Variants in RGS12 observed in about 807,000 individuals in gnomAD.
RGS12 encodes the protein regulator of G protein signaling 12.
A neutral mutation model predicts 120.1 loss-of-function variants in RGS12; 66 were observed. The observed-to-expected ratio is 0.55, with a 90% CI of 0.45 to 0.67. The LOEUF (loss-of-function observed/expected upper bound fraction) is 0.67, where lower values mean the gene tolerates loss of function less well. Among genes scored for constraint, RGS12 ranks in the 30% least tolerant of loss-of-function variants. RGS12 has a pLI of 0.00. For synonymous variants in RGS12, 827 were observed against 804.7 expected (o/e 1.03, Z -0.47); for missense variants, 1,859 against 1,957.7 (o/e 0.95, Z 0.95).
In RGS12 at chr4:3,316,288, G is replaced by A. The variant is rs1335649684; in HGVS notation, c.118G>A (p.Ala40Thr). 15 of 1,613,936 alleles carry A rather than the reference G, an allele frequency of 9.3e-6. No individual in the cohort carries two copies. Among genetic ancestry groups the A allele is most frequent in the Admixed American group, 3.3e-5 (2 of 60,014 alleles). ...CTACGGATTCACGCTTTCGGGACAG[G>A]CACCCTGTGTGCTCAGCTGCGTCAT... Reference protein sequence around the residue: ...AGYGFTLSGQAPCVLSCVMRG... With the variant: ...AGYGFTLSGQTPCVLSCVMRG... Residue 40 changes from alanine (A) to threonine (T), a missense_variant, in exon 2 of 18, where the codon GCA (alanine) becomes ACA (threonine). Transcript: ENST00000336727.
intron 2 of RGS12, among the ~76,000 whole-genome samples, chr4:3,329,445 C>T (rs577652780): frequency 6.6e-6 from 1 of 152,192 alleles, no homozygotes; most frequent in South Asian, 2.1e-4. Context: ...AGTAAATGTG[C>T]TCATGGGCCT....
At chr4:3,403,106 A>T (rs1226514698) in intron 4 of RGS12, among the ~76,000 whole-genome samples, 2 of 152,194 alleles carry the variant, frequency 1.3e-5, no homozygotes, top group Non-Finnish European at 2.9e-5. Context: ...GCATGGCCTC[A>T]TGGGCTCTGG....
At position 3,412,482 on chromosome 4, in the gene RGS12, T is replaced by A. The variant is rs552920905; in HGVS notation, c.2021-1590T>A. Among the ~76,000 whole-genome samples the A allele has an allele frequency of 6.6e-5, 10 of 152,358 alleles. No homozygotes were observed. The South Asian group carries it at 1.9e-3, about 28-fold the overall frequency. On this transcript the variant is annotated intron_variant, in intron 4 of 17. Coordinates refer to ENST00000336727, the MANE Select transcript of RGS12 (RefSeq NM_001394154.1). Reference sequence around the variant, plus strand: ...CCCTGGCCCCTTGCTGATAATAAGATGTGTTCTATTTGCTGGCCTGGAGCT... The same window carrying A: ...CCCTGGCCCCTTGCTGATAATAAGAAGTGTTCTATTTGCTGGCCTGGAGCT...
At chr4:3,305,413 G>A (rs1469389902) in intron 1 of RGS12, among the ~76,000 whole-genome samples, 1 of 152,048 alleles carries the variant, frequency 6.6e-6, no homozygotes, top group Non-Finnish European at 1.5e-5. Flanking sequence ...TACACTCCCC[G>A]CAAGGTCCTT....
At chr4:3,329,832 C>T (rs1354690632) in intron 2 of RGS12, among the ~76,000 whole-genome samples, 3 of 141,626 alleles carry the variant, frequency 2.1e-5, no homozygotes, top group South Asian at 4.2e-4. Flanking sequence ...CAGTCTATTA[C>T]GTTTAGTTGA....
At chr4:3,292,723 G>A (rs971550718), upstream of RGS12, among the ~76,000 whole-genome samples, 7 of 152,236 alleles carry the variant, frequency 4.6e-5, no homozygotes, top group African/African-American at 1.7e-4. Context: ...CCAGCACCAG[G>A]GCCGGGCCAG....
At chr4:3,299,358 G>T (rs1174652436) in intron 1 of RGS12, among the ~76,000 whole-genome samples, 1 of 152,100 alleles carries the variant, frequency 6.6e-6, no homozygotes, top group Non-Finnish European at 1.5e-5. Flanking sequence ...TCTTCAAGCT[G>T]GGAGGATCAC....
chr4:3,357,458 T>A (rs1026665168), intron 3 of RGS12, among the ~76,000 whole-genome samples: 1 of 152,168 alleles, frequency 6.6e-6, no homozygotes, highest in African/African-American at 2.4e-5. Context: ...AAATCCAATG[T>A]CTTGAAGAAA....
intron 2 of RGS12, among the ~76,000 whole-genome samples, chr4:3,340,573 C>T (rs1712960476): frequency 1.3e-5 from 2 of 152,204 alleles, no homozygotes; most frequent in Admixed American, 6.5e-5. Flanking sequence ...TATCAGTCAC[C>T]ACAGAAGAGC....
chr4:3,337,447 C>T (rs1712601257), intron 2 of RGS12, among the ~76,000 whole-genome samples: 1 of 152,318 alleles, frequency 6.6e-6, no homozygotes, highest in South Asian at 2.1e-4. Context: ...TTTGCAATAG[C>T]TGAAAGGCAG....
In RGS12 at chr4:3,342,943, A is replaced by G. The variant is rs763351847; in HGVS notation, c.1888A>G (p.Lys630Glu). ...CTTTTTTCTTCGTGTTTAGGGCTCA[A>G]AATTTGGGCGGGGAACTGGACTCAC... ...RKTKEDKKGS[K>E]FGRGTGLTQP... The change falls in exon 3 of 18, where the codon AAA (lysine) becomes GAA (glutamate). Residue 630 changes from lysine (K) to glutamate (E), a missense_variant. By Grantham distance (56) the Lys-to-Glu change is moderately conservative (BLOSUM62 1). This residue lies in a region of RGS12 where 967 missense variants were observed against 994.2 expected (regional missense o/e 0.97). Transcript: ENST00000336727. The G allele has an allele frequency of 1.2e-5, 19 of 1,613,248 alleles. No individual in the cohort carries two copies. The highest frequency in any genetic ancestry group is 1.6e-4 in the Middle Eastern group (1 of 6,080).
intron 4 of RGS12, among the ~76,000 whole-genome samples, chr4:3,393,926 C>G (rs1417351608): frequency 1.3e-5 from 2 of 152,176 alleles, no homozygotes; most frequent in Admixed American, 6.5e-5. Flanking sequence ...TCCCCAGGCC[C>G]GTCCCTGGAG....
chr4:3,422,297 C>T, intron 10 of RGS12, 79 bp from the exon 11 acceptor site: 1 of 1,436,692 alleles, frequency 7.0e-7, no homozygotes, highest in Non-Finnish European at 9.4e-7. Context: ...CGGCCTGGGC[C>T]AGCTGGGCTG....
intron 3 of RGS12, among the ~76,000 whole-genome samples, chr4:3,363,669 G>C (rs970962070): frequency 6.6e-6 from 1 of 151,820 alleles, no homozygotes; most frequent in African/African-American, 2.4e-5. Context: ...GGAGTGAGGC[G>C]GCAGCGCGTG....
chr4:3,323,769 C>A (rs746289860), intron 2 of RGS12, among the ~76,000 whole-genome samples: 4 of 151,550 alleles, frequency 2.6e-5, no homozygotes, highest in Non-Finnish European at 5.9e-5. Context: ...TGTGGAATTG[C>A]TGTTTTTAAA....
At chr4:3,421,149 G>T (rs539436655) in intron 10 of RGS12, among the ~76,000 whole-genome samples, 2 of 152,142 alleles carry the variant, frequency 1.3e-5, no homozygotes, top group East Asian at 1.9e-4. Context: ...CCTGCGGGCC[G>T]CCTGTCTCAC....
At chr4:3,404,696 A>G (rs889799469) in intron 4 of RGS12, among the ~76,000 whole-genome samples, 1 of 152,236 alleles carries the variant, frequency 6.6e-6, no homozygotes, top group Non-Finnish European at 1.5e-5. Context: ...AGAGATAGAC[A>G]TAGCAGTGTG....
Position 3,430,605 on chromosome 4 carries a change from C to T in RGS12, c.3764C>T (p.Ser1255Phe). The T allele has an allele frequency of 6.2e-7, 1 of 1,611,596 alleles. No individual in the cohort carries two copies. Residue 1255 changes from serine (S) to phenylalanine (F), a missense_variant, in exon 17 of 18, where the codon TCC becomes TTC. By Grantham distance (155) the Ser-to-Phe change is radical. Coordinates refer to ENST00000336727, the MANE Select transcript of RGS12 (RefSeq NM_001394154.1). ...ACAGGCAACGGCCGGGAGAGCGCCT[C>T]CCAGCCTGGCGAGCAGTGGGAGCCA... ...SATGNGRESA[S>F]QPGEQWEPVQ... is the part of the protein sequence containing the mutation.
chr4:3,295,422 A>T (rs183929219), intron 1 of RGS12, among the ~76,000 whole-genome samples: 83 of 152,230 alleles, frequency 5.5e-4, no homozygotes, highest in Non-Finnish European at 6.9e-4. Context: ...GCACTTTGGG[A>T]GGCTGAGGCA....
Sources: gnomAD v4.1 joint callset for allele counts (sites outside exome capture counted in the v4.1 genomes callset) on GRCh38, gnomAD v4.1.1 for gene constraint, gnomAD v4.1.1 regional missense constraint, MANE v1.5 for transcripts, NCBI Gene and HGNC (gene_info 2026-07-23, HGNC 2026-07-21) for gene names.